Variants in RFX3 observed in about 807,000 individuals in gnomAD.
RFX3 encodes regulatory factor X3, also known as transcription factor RFX3.
A neutral mutation model predicts 98.6 loss-of-function variants in RFX3; 14 were observed. The observed-to-expected ratio is 0.14, with a 90% CI of 0.09 to 0.22. The LOEUF (loss-of-function observed/expected upper bound fraction) is 0.22. RFX3 is among the 10% of genes least tolerant of loss of function. The pLI, the probability that RFX3 is intolerant of heterozygous loss-of-function variation, is 1.00. For synonymous variants in RFX3, 383 were observed against 328.4 expected (o/e 1.17, Z -1.80); for missense variants, 639 against 926.9 (o/e 0.69, Z 4.03).
chr9:3,443,305 A>C (rs192002131), intron 1 of RFX3, among the ~76,000 whole-genome samples: 2 of 152,230 alleles, frequency 1.3e-5, no homozygotes, highest in Admixed American at 1.3e-4. Context: ...CATCACCTAG[A>C]TATTAAGCCC....
At chr9:3,277,162 T>G (rs1183385477) in intron 8 of RFX3, among the ~76,000 whole-genome samples, 178 bp downstream of exon 8, 3 of 151,928 alleles carry the variant, frequency 2.0e-5, no homozygotes, top group Non-Finnish European at 4.4e-5. Flanking sequence ...AAAAATAAGC[T>G]CTAATAAACA....
Position 3,330,446 on chromosome 9 carries a change from G to A in RFX3, c.287C>T (p.Thr96Ile). 6.2e-7 allele frequency: 1 copy of A among 1,613,994 alleles called. No individual in the cohort carries two copies. The highest frequency in any genetic ancestry group is 8.5e-7 in the Non-Finnish European group (1 of 1,179,924). The change falls in exon 4 of 17, where the codon ACT (threonine) becomes ATT (isoleucine). Residue 96 changes from threonine (T) to isoleucine (I), a missense_variant. By Grantham distance (89) the Thr-to-Ile change is moderately conservative. Transcript: ENST00000617270. Reference sequence around the variant, plus strand: ...AGTCACCTGGGCGGAACTCCCTTGAGTATCAAAGTAATTCCCTCCAGTATT... The same window carrying A: ...AGTCACCTGGGCGGAACTCCCTTGAATATCAAAGTAATTCCCTCCAGTATT... Reference protein sequence around the residue: ...SQNTGGNYFDTQGSSAQVTTV... With the variant: ...SQNTGGNYFDIQGSSAQVTTV...
intron 2 of RFX3, among the ~76,000 whole-genome samples, chr9:3,367,554 T>A (rs924846081): frequency 4.6e-5 from 7 of 152,212 alleles, no homozygotes; most frequent in African/African-American, 1.7e-4. Context: ...ACTACATCCT[T>A]GTAATTTGAT....
At chr9:3,341,656 C>T (rs892145991) in intron 3 of RFX3, among the ~76,000 whole-genome samples, 1 of 152,098 alleles carries the variant, frequency 6.6e-6, no homozygotes, top group Non-Finnish European at 1.5e-5. Flanking sequence ...GATTGAGCAC[C>T]GATCATGGGC....
Position 3,346,676 on chromosome 9 carries a change from T to C in RFX3, c.206A>G (p.Asn69Ser). 1.2e-6 allele frequency: 2 copies of C among 1,604,876 alleles called. No individual in the cohort carries two copies. The highest frequency in any genetic ancestry group is 8.5e-7 in the Non-Finnish European group (1 of 1,171,708). Reference sequence around the variant, plus strand: ...CCACATATAAACTTACATTGCTCCATTGGTATAGACAGTATCGCTTCCTTC... The same window carrying C: ...CCACATATAAACTTACATTGCTCCACTGGTATAGACAGTATCGCTTCCTTC... ...YVEGSDTVYT[N>S]GAIRTTTYPY... The change falls in exon 3 of 17, where the codon AAT becomes AGT. Residue 69 changes from asparagine (N) to serine (S), a missense_variant. By Grantham distance (46) the Asn-to-Ser change is conservative. Transcript: ENST00000617270.
At chr9:3,374,179 T>C (rs529384593) in intron 2 of RFX3, among the ~76,000 whole-genome samples, 28 of 152,002 alleles carry the variant, frequency 1.8e-4, no homozygotes, top group Non-Finnish European at 3.5e-4. Context: ...AGAAAATAAG[T>C]GTTGGTGAGG....
chr9:3,430,749 T>C (rs1844583793), intron 1 of RFX3, among the ~76,000 whole-genome samples: 1 of 151,926 alleles, frequency 6.6e-6, no homozygotes, highest in Non-Finnish European at 1.5e-5. Context: ...TGCATTTTTT[T>C]CCAAAAAATA....
intron 1 of RFX3, among the ~76,000 whole-genome samples, chr9:3,517,862 T>G (rs373425434): frequency 1.3e-5 from 2 of 152,150 alleles, no homozygotes; most frequent in Non-Finnish European, 2.9e-5. Flanking sequence ...TCGGAAATGG[T>G]AAGAATAACC....
At position 3,224,292 on chromosome 9, in the gene RFX3, A is replaced by C. The variant is rs1817537087; in HGVS notation, c.*750T>G. The C allele has an allele frequency of 6.6e-6, 1 of 152,194 alleles. No individual in the cohort carries two copies. The highest frequency in any genetic ancestry group is 1.9e-4 in the East Asian group (1 of 5,202). The allele number at this position is 152,194 out of a possible 1,614,324, so 9.4% of individuals were successfully genotyped here. A position where few individuals can be genotyped will look rare whatever the true frequency, so the allele number is the denominator to read the frequency against. Reference sequence around the variant, plus strand: ...AGAATCAGTAGTCTTTAAACAGAGGAATTGGTATGCAAATAATAGTTAAAA... The same window carrying C: ...AGAATCAGTAGTCTTTAAACAGAGGCATTGGTATGCAAATAATAGTTAAAA... On this transcript the variant is annotated 3_prime_UTR_variant, in exon 17 of 17. Transcript: ENST00000617270.
At chr9:3,301,312 T>C (rs2130062065) in intron 5 of RFX3, among the ~76,000 whole-genome samples, 1 of 151,934 alleles carries the variant, frequency 6.6e-6, no homozygotes, top group East Asian at 1.9e-4. Flanking sequence ...AACTCGAAAA[T>C]ATTATATCTG....
At chr9:3,291,782 G>C (rs1445094347) in intron 6 of RFX3, among the ~76,000 whole-genome samples, 2 of 151,924 alleles carry the variant, frequency 1.3e-5, no homozygotes, top group Non-Finnish European at 2.9e-5. Flanking sequence ...ACTAAGGAAG[G>C]CTGTGTTTAT....
intron 11 of RFX3, among the ~76,000 whole-genome samples, chr9:3,269,954 T>C (rs1435976012): frequency 6.6e-6 from 1 of 152,040 alleles, no homozygotes; most frequent in African/African-American, 2.4e-5. Flanking sequence ...GACTGTGTCC[T>C]TGGGTAGAAT....
intron 1 of RFX3, among the ~76,000 whole-genome samples, chr9:3,518,462 G>C (rs369276006): frequency 1.1e-4 from 16 of 152,114 alleles, no homozygotes; most frequent in Non-Finnish European, 8.8e-5. Flanking sequence ...ATGGTGAAAT[G>C]AGTGACACAG....
At chr9:3,455,361 A>G (rs1243828697) in intron 1 of RFX3, among the ~76,000 whole-genome samples, 4 of 152,076 alleles carry the variant, frequency 2.6e-5, no homozygotes, top group Non-Finnish European at 5.9e-5. Context: ...AATTCAGGCA[A>G]GCCTTCCCTT....
At chr9:3,313,322 A>G (rs1217837489) in intron 4 of RFX3, among the ~76,000 whole-genome samples, 1 of 152,176 alleles carries the variant, frequency 6.6e-6, no homozygotes, top group Non-Finnish European at 1.5e-5. Flanking sequence ...TAGAAGGAAA[A>G]CTAACAAACA....
At chr9:3,399,728 G>A (rs1423831391) in intron 1 of RFX3, among the ~76,000 whole-genome samples, 1 of 152,024 alleles carries the variant, frequency 6.6e-6, no homozygotes, top group African/African-American at 2.4e-5. Flanking sequence ...AAGTGGGGCA[G>A]ATCTCGAGGT....
At chr9:3,397,719 T>G (rs1564045951) in intron 1 of RFX3, among the ~76,000 whole-genome samples, 1 of 152,226 alleles carries the variant, frequency 6.6e-6, no homozygotes, top group Non-Finnish European at 1.5e-5. Flanking sequence ...ATTCTTTTGT[T>G]AGTGAAACCC....
chr9:3,315,032 C>G (rs574011203), intron 4 of RFX3, among the ~76,000 whole-genome samples: 3 of 152,264 alleles, frequency 2.0e-5, no homozygotes, highest in Non-Finnish European at 4.4e-5. Flanking sequence ...ACCTAATAGA[C>G]ATCTACAGAA....
intron 2 of RFX3, among the ~76,000 whole-genome samples, chr9:3,365,006 T>A (rs1421200208): frequency 6.6e-6 from 1 of 151,790 alleles, no homozygotes; most frequent in Admixed American, 6.6e-5. Flanking sequence ...AACAGTTAAG[T>A]AAAAAAAGTA....
Sources: gnomAD v4.1 joint callset for allele counts (sites outside exome capture counted in the v4.1 genomes callset) on GRCh38, gnomAD v4.1.1 for gene constraint, MANE v1.5 for transcripts, NCBI Gene and HGNC (gene_info 2026-07-23, HGNC 2026-07-21) for gene names.